MED27: variants seen among roughly 807,000 people sequenced by gnomAD.
The protein encoded by MED27 is mediator of RNA polymerase II transcription subunit 27.
MED27 carries 30 observed loss-of-function variants against 38.2 expected under a neutral mutation model. The observed-to-expected ratio is 0.79, with a 90% CI of 0.59 to 1.07. The LOEUF (loss-of-function observed/expected upper bound fraction) is 1.07. Ranked by LOEUF, MED27 falls within the 50% of genes least tolerant of loss-of-function variation. The pLI is 0.00. For synonymous variants in MED27, 122 were observed against 153.5 expected, an observed-to-expected ratio of 0.79 and a Z score of 1.52; for missense variants, 289 against 397.5, an observed-to-expected ratio of 0.73 and a Z score of 2.32.
At chr9:131,899,823 C>T (rs1227889400) in intron 4 of MED27, among the ~76,000 whole-genome samples, 2 of 152,172 alleles carry the variant, frequency 1.3e-5, no homozygotes, top group Admixed American at 6.5e-5. Flanking sequence ...TCTGCATGCA[C>T]CAGGTTGTAG....
intron 4 of MED27, among the ~76,000 whole-genome samples, chr9:131,938,100 C>T (rs1830715981): frequency 1.3e-5 from 2 of 152,164 alleles, no homozygotes; most frequent in Non-Finnish European, 2.9e-5. Context: ...AAGTAACAAA[C>T]ATTTAACAAG....
chr9:132,049,842 C>A (rs772163197), intron 2 of MED27, among the ~76,000 whole-genome samples: 6 of 151,968 alleles, frequency 3.9e-5, no homozygotes, highest in Non-Finnish European at 7.4e-5. Flanking sequence ...AAAAGACTGC[C>A]AAAGAGAAAT....
intron 3 of MED27, among the ~76,000 whole-genome samples, chr9:131,975,131 C>A (rs1831576057): frequency 6.6e-6 from 1 of 152,202 alleles, no homozygotes; most frequent in African/African-American, 2.4e-5. Flanking sequence ...TGTTATTTAT[C>A]TCTTTTTCCT....
At chr9:131,903,946 T>C (rs912405581) in intron 4 of MED27, among the ~76,000 whole-genome samples, 16 of 151,170 alleles carry the variant, frequency 1.1e-4, no homozygotes, top group Non-Finnish European at 1.9e-4. Flanking sequence ...TCACCTAGGC[T>C]GGAGTGCGGT....
At position 131,913,334 on chromosome 9, in the gene MED27, T is replaced by A. The variant is rs1830224930; in HGVS notation, c.574-19342A>T. 6.6e-6 allele frequency among the ~76,000 whole-genome samples: 1 copy of A among 152,228 alleles called. No individual in the cohort carries two copies. On this transcript the variant is annotated intron_variant, in intron 4 of 7. Transcript: ENST00000292035. This position sits in a 1 kb window ranked among gnomAD's most constrained non-coding sequence, Gnocchi z 4.5. Reference sequence around the variant, plus strand: ...TCACTTCAAATCCCAGCTGTACCACTTAATGTGACCTTGAACAAGTTATTG... The same window carrying A: ...TCACTTCAAATCCCAGCTGTACCACATAATGTGACCTTGAACAAGTTATTG...
intron 2 of MED27, among the ~76,000 whole-genome samples, chr9:132,040,351 G>A (rs576214928): frequency 2.0e-5 from 3 of 152,298 alleles, no homozygotes; most frequent in African/African-American, 4.8e-5. Context: ...GTAAGAAACC[G>A]CATGGCAGGT....
intron 3 of MED27, among the ~76,000 whole-genome samples, chr9:131,963,817 C>T (rs575955681): frequency 6.6e-6 from 1 of 152,180 alleles, no homozygotes; most frequent in Non-Finnish European, 1.5e-5. Context: ...ATGTGCGCTG[C>T]ATGTTTCCAA....
intron 2 of MED27, among the ~76,000 whole-genome samples, chr9:132,030,659 T>C (rs1832939425): frequency 6.6e-6 from 1 of 152,132 alleles, no homozygotes; most frequent in Admixed American, 6.5e-5. Context: ...TCATGAAAAA[T>C]ATAGACCCAT....
At chr9:131,916,023 A>G (rs1303504084) in intron 4 of MED27, among the ~76,000 whole-genome samples, 1 of 152,270 alleles carries the variant, frequency 6.6e-6, no homozygotes, top group African/African-American at 2.4e-5. Context: ...TACAATTTAT[A>G]TAATCAATAA....
rs147162940 is a variant in MED27 at position 132,046,326 on chromosome 9, T to C, written c.348+31116A>G. 1.0e-3 allele frequency among the ~76,000 whole-genome samples: 157 copies of C among 152,326 alleles called. 1 individual carries two copies. The highest frequency in any genetic ancestry group is 3.6e-3 in the African/African-American group (149 of 41,574). On this transcript the variant is annotated intron_variant, in intron 2 of 7. Coordinates refer to ENST00000292035, the MANE Select transcript of MED27 (RefSeq NM_004269.4). ...TGTTGATTGTTTTGACAATTTTTTCTAATGCTCACAAAAGTATACTGAAAC... is the reference window on the plus strand; with the variant it reads ...TGTTGATTGTTTTGACAATTTTTTCCAATGCTCACAAAAGTATACTGAAAC...
chr9:132,014,507 A>G (rs1364552667), intron 2 of MED27, 40 bp from the exon 3 acceptor site: 3 of 1,600,296 alleles, frequency 1.9e-6, no homozygotes, highest in Non-Finnish European at 1.7e-6. Context: ...GAAAAATAGC[A>G]TTTGGTAAAA....
intron 2 of MED27, among the ~76,000 whole-genome samples, chr9:132,017,045 C>A (rs1832618851): frequency 6.6e-6 from 1 of 152,164 alleles, no homozygotes; most frequent in African/African-American, 2.4e-5. Flanking sequence ...GATTAAGCAG[C>A]ACTTGTTAAT....
intron 3 of MED27, among the ~76,000 whole-genome samples, chr9:132,011,865 G>A (rs1832492957): frequency 6.6e-6 from 1 of 151,946 alleles, no homozygotes; most frequent in African/African-American, 2.4e-5. Context: ...TGTATTCTTA[G>A]GACACAGTAA....
chr9:132,000,793 C>T (rs1008220572), intron 3 of MED27, among the ~76,000 whole-genome samples: 1 of 150,220 alleles, frequency 6.7e-6, no homozygotes, highest in Non-Finnish European at 1.5e-5. Context: ...ACTATGTTGT[C>T]CAGGCTTGTC....
At chr9:131,956,984 T>C (rs1437768259) in intron 3 of MED27, among the ~76,000 whole-genome samples, 1 of 152,108 alleles carries the variant, frequency 6.6e-6, no homozygotes, top group Non-Finnish European at 1.5e-5. Flanking sequence ...AAATGCAAAA[T>C]GTACTTGGCC....
At chr9:132,048,487 T>C (rs1368817197) in intron 2 of MED27, among the ~76,000 whole-genome samples, 2 of 152,218 alleles carry the variant, frequency 1.3e-5, no homozygotes, top group Non-Finnish European at 2.9e-5. Context: ...TAGTTTGGTC[T>C]CTGTGGACAA....
Position 131,937,115 on chromosome 9 carries a change from C to A in MED27, c.573+2266G>T, listed in dbSNP as rs563186651. Reference sequence around the variant, plus strand: ...AGGTGGCATCTGTTGGTCCTGCTCCCCCTCCAGGTAGGAATTCCCATCACC... The same window carrying A: ...AGGTGGCATCTGTTGGTCCTGCTCCACCTCCAGGTAGGAATTCCCATCACC... On this transcript the variant is annotated intron_variant, in intron 4 of 7. Coordinates refer to ENST00000292035, the MANE Select transcript of MED27 (RefSeq NM_004269.4). 2.6e-5 allele frequency among the ~76,000 whole-genome samples: 4 copies of A among 152,306 alleles called. No homozygotes were observed. The East Asian group carries it at 7.7e-4, about 29-fold the overall frequency.
At chr9:131,976,458 T>C (rs191595137) in intron 3 of MED27, among the ~76,000 whole-genome samples, 2 of 152,332 alleles carry the variant, frequency 1.3e-5, no homozygotes, top group Admixed American at 6.5e-5. Context: ...GGTGTATTAT[T>C]AGTAGGTTAT....
intron 4 of MED27, among the ~76,000 whole-genome samples, chr9:131,897,766 G>T (rs929616692): frequency 3.3e-5 from 5 of 152,164 alleles, no homozygotes; most frequent in African/African-American, 9.7e-5. Context: ...TCCATAATAA[G>T]AAGTTTTTAA....
Sources: allele counts gnomAD v4.1 joint callset (sites outside exome capture counted in the v4.1 genomes callset), GRCh38; gene constraint gnomAD v4.1.1; non-coding constraint Gnocchi (gnomAD v3.1); transcripts MANE v1.5; gene names NCBI Gene and HGNC (gene_info 2026-07-23, HGNC 2026-07-21).